The following CUX2 variants were observed in gnomAD, a reference collection of about 807,000 sequenced individuals.
CUX2 encodes the protein homeobox protein cut-like 2.
A neutral mutation model predicts 144.8 loss-of-function variants in CUX2; 40 were observed. That is an observed-to-expected ratio of 0.28 (90% CI 0.21 to 0.36). CUX2 has a LOEUF of 0.36. Ranked by LOEUF, CUX2 falls within the 10% of genes least tolerant of loss-of-function variation. The pLI, the probability that CUX2 is intolerant of heterozygous loss-of-function variation, is 1.00. For missense variants in CUX2, 1,615 were observed against 1,994.0 expected (o/e 0.81, Z 3.62); for synonymous variants, 827 against 875.6 (o/e 0.94, Z 0.98).
intron 1 of CUX2, among the ~76,000 whole-genome samples, chr12:111,044,109 G>A (rs1458693063): frequency 6.6e-6 from 1 of 152,134 alleles, no homozygotes; most frequent in Non-Finnish European, 1.5e-5. Context: ...CCTTCACACT[G>A]GCTCCCTCCG....
At chr12:111,230,987 G>C (rs1397036738) in intron 3 of CUX2, among the ~76,000 whole-genome samples, 1 of 152,138 alleles carries the variant, frequency 6.6e-6, no homozygotes, top group Non-Finnish European at 1.5e-5. Flanking sequence ...AAATAATTAG[G>C]AAGTCATGAG....
chr12:111,066,567 A>T (rs1459792877), intron 1 of CUX2, among the ~76,000 whole-genome samples: 6 of 152,218 alleles, frequency 3.9e-5, no homozygotes, highest in Non-Finnish European at 1.5e-5. Context: ...CAGTTCAGCC[A>T]ACGTTTGTTA....
chr12:111,143,165 G>A (rs1164436276), intron 1 of CUX2, among the ~76,000 whole-genome samples: 1 of 152,074 alleles, frequency 6.6e-6, no homozygotes, highest in African/African-American at 2.4e-5. Context: ...TGGCTTCGGG[G>A]CTGGTATCCA....
chr12:111,139,716 G>C (rs549371834), intron 1 of CUX2, among the ~76,000 whole-genome samples: 1 of 152,318 alleles, frequency 6.6e-6, no homozygotes, highest in East Asian at 1.9e-4. Context: ...ACTGCATACA[G>C]TTCATCCGTT....
In CUX2 at chr12:111,035,613, C is replaced by CTT. The variant is rs60539275; in HGVS notation, c.63+1388_63+1389dup. Reference sequence around the variant, plus strand: ...CAGTCTGGAGATAAAAAGGGACCCACTTTTTTTTTTTTTTTTAATCCGCCG... The same window carrying CTT: ...CAGTCTGGAGATAAAAAGGGACCCACTTTTTTTTTTTTTTTTTTAATCCGCCG... On this transcript the variant is annotated intron_variant, in intron 1 of 21. Transcript: ENST00000261726. The surrounding 1 kb of genome is among the most constrained non-coding windows in gnomAD (Gnocchi z 6.0). Among the ~76,000 whole-genome samples the CTT allele has an allele frequency of 0.066, 8,885 of 135,134 alleles. 368 individuals carry two copies. Among genetic ancestry groups the CTT allele is most frequent in the East Asian group, 0.11 (499 of 4,654 alleles). 88.7% of individuals were successfully genotyped at this position (135,134 alleles called of 152,430 possible). A position where few individuals can be genotyped will look rare whatever the true frequency, so the allele number is the denominator to read the frequency against.
At chr12:111,044,393 C>T (rs1025917230) in intron 1 of CUX2, among the ~76,000 whole-genome samples, 22 of 152,018 alleles carry the variant, frequency 1.4e-4, no homozygotes, top group African/African-American at 5.3e-4. Flanking sequence ...CTGTCATTCT[C>T]CCCCTCTTTA....
Position 111,077,405 on chromosome 12 carries a change from AC to A in CUX2, c.63+43170del, listed in dbSNP as rs1871599988. Among the ~76,000 whole-genome samples the A allele has an allele frequency of 6.6e-6, 1 of 151,742 alleles. No individual in the cohort carries two copies. The highest frequency in any genetic ancestry group is 1.9e-4 in the East Asian group (1 of 5,140). On this transcript the variant is annotated intron_variant, in intron 1 of 21. Coordinates refer to ENST00000261726, the MANE Select transcript of CUX2 (RefSeq NM_015267.4). The surrounding 1 kb of genome is among the most constrained non-coding windows in gnomAD (Gnocchi z 4.1). ...TGGCGCGGCCATGCCATCGACCTGA[AC>A]CCCCTGGACTTCTGCCCCCCTGGAC...
chr12:111,330,741 AT>A (rs1888086423), intron 18 of CUX2, among the ~76,000 whole-genome samples: 2 of 105,614 alleles, frequency 1.9e-5, no homozygotes, highest in Non-Finnish European at 4.2e-5. Flanking sequence ...ATATATATAT[AT>A]ATATATATAA....
At position 111,068,265 on chromosome 12, in the gene CUX2, C is replaced by T. The variant is rs1871103304; in HGVS notation, c.63+34025C>T. Among the ~76,000 whole-genome samples the T allele has an allele frequency of 6.6e-6, 1 of 152,164 alleles. No homozygotes were observed. Among genetic ancestry groups the T allele is most frequent in the African/African-American group, 2.4e-5 (1 of 41,438 alleles). ...TGCCGGAGTTGCCCTCCCCACTTTC[C>T]CTCTTCCTTTTCTTTCTTTCTTGGA... On this transcript the variant is annotated intron_variant, in intron 1 of 21. Transcript: ENST00000261726. This position sits in a 1 kb window ranked among gnomAD's most constrained non-coding sequence, Gnocchi z 4.9.
At chr12:111,213,938 T>C (rs754204367) in intron 1 of CUX2, among the ~76,000 whole-genome samples, 11 of 151,566 alleles carry the variant, frequency 7.3e-5, no homozygotes, top group Non-Finnish European at 1.0e-4. Flanking sequence ...AACAACCAAC[T>C]CCACCCAACT....
At chr12:111,166,760 C>T (rs959954302) in intron 1 of CUX2, among the ~76,000 whole-genome samples, 1 of 152,178 alleles carries the variant, frequency 6.6e-6, no homozygotes, top group African/African-American at 2.4e-5. Context: ...GAGGCTTGGG[C>T]GGGGGTAGCG....
At chr12:111,238,869 ACT>A (rs1275784834) in intron 3 of CUX2, among the ~76,000 whole-genome samples, 1 of 151,894 alleles carries the variant, frequency 6.6e-6, no homozygotes, top group Non-Finnish European at 1.5e-5. Flanking sequence ...ATATGGCAAA[ACT>A]CTGTCTCTAC....
chr12:111,190,808 G>A lies in CUX2; in HGVS notation c.64-23392G>A, dbSNP rs1477451319. On this transcript the variant is annotated intron_variant, in intron 1 of 21. Transcript: ENST00000261726. The surrounding 1 kb of genome is among the most constrained non-coding windows in gnomAD (Gnocchi z 4.0). ...CTGTTGGGTCTGCTGCTACCCCAAA[G>A]CTGAATGCCCCGGCTTTTAATCTGT... 6.6e-6 allele frequency among the ~76,000 whole-genome samples: 1 copy of A among 152,150 alleles called. No individual in the cohort carries two copies. Among genetic ancestry groups the A allele is most frequent in the East Asian group, 1.9e-4 (1 of 5,190 alleles).
intron 1 of CUX2, among the ~76,000 whole-genome samples, chr12:111,179,555 G>A (rs1482845469): frequency 3.3e-5 from 5 of 152,168 alleles, no homozygotes; most frequent in Non-Finnish European, 2.9e-5. Flanking sequence ...ATGGTGCGTG[G>A]CACAGAGTTC....
At chr12:111,146,523 T>C (rs1876682510) in intron 1 of CUX2, among the ~76,000 whole-genome samples, 1 of 152,048 alleles carries the variant, frequency 6.6e-6, no homozygotes, top group Non-Finnish European at 1.5e-5. Flanking sequence ...CAGATGACAG[T>C]GGGGAAAGGG....
chr12:111,044,006 A>G (rs1024570319), intron 1 of CUX2, among the ~76,000 whole-genome samples: 3 of 152,180 alleles, frequency 2.0e-5, no homozygotes, highest in Non-Finnish European at 4.4e-5. Flanking sequence ...ACAGACTCGT[A>G]CCTGGGACAC....
intron 1 of CUX2, among the ~76,000 whole-genome samples, chr12:111,074,986 G>A (rs1466078433): frequency 1.3e-5 from 2 of 152,120 alleles, no homozygotes; most frequent in African/African-American, 2.4e-5. Context: ...AGAGCCTTAG[G>A]GATTCTGGGT....
intron 1 of CUX2, among the ~76,000 whole-genome samples, chr12:111,106,686 G>A (rs1484987042): frequency 6.6e-6 from 1 of 152,224 alleles, no homozygotes; most frequent in Non-Finnish European, 1.5e-5. Flanking sequence ...AGGCAATCCT[G>A]GAAGACTTCC....
chr12:111,139,756 A>G lies in CUX2; in HGVS notation c.64-74444A>G, dbSNP rs140045046. 1.5e-3 allele frequency among the ~76,000 whole-genome samples: 221 copies of G among 152,304 alleles called. 1 individual carries two copies. Among genetic ancestry groups the G allele is most frequent in the African/African-American group, 4.9e-3 (202 of 41,578 alleles). ...CCATGGGGCTGAGCTTCCCAAGGTC[A>G]TGGCAAATAGGATAAGCGTTCAGAA... On this transcript the variant is annotated intron_variant, in intron 1 of 21. Coordinates refer to ENST00000261726, the MANE Select transcript of CUX2 (RefSeq NM_015267.4).
Sources: gnomAD v4.1 joint callset for allele counts (sites outside exome capture counted in the v4.1 genomes callset) on GRCh38, gnomAD v4.1.1 for gene constraint, Gnocchi (gnomAD v3.1) non-coding constraint, MANE v1.5 for transcripts, NCBI Gene and HGNC (gene_info 2026-07-23, HGNC 2026-07-21) for gene names.